Variants in DNAJC1 observed in about 807,000 individuals in gnomAD.
DNAJC1 encodes the protein dnaJ homolog subfamily C member 1.
A neutral mutation model predicts 76.6 loss-of-function variants in DNAJC1; 58 were observed. That is an observed-to-expected ratio of 0.76 (90% CI 0.61 to 0.94). The LOEUF (loss-of-function observed/expected upper bound fraction) is 0.94, where lower values mean the gene tolerates loss of function less well. Ranked by LOEUF, DNAJC1 falls within the 40% of genes least tolerant of loss-of-function variation. The probability of loss-of-function intolerance (pLI) is 0.00; values close to 1 mark genes in which losing one functional copy is unlikely to be tolerated. For missense variants in DNAJC1, 689 were observed against 677.3 expected (o/e 1.02, Z -0.19); for synonymous variants, 258 against 267.9 (o/e 0.96, Z 0.36).
chr10:21,956,615 A>T (rs993645511), intron 1 of DNAJC1, among the ~76,000 whole-genome samples: 30 of 149,936 alleles, frequency 2.0e-4, no homozygotes, highest in African/African-American at 7.3e-4. Flanking sequence ...TATAAATATA[A>T]TTTTTATTTA....
At chr10:21,869,489 C>A (rs1466425595) in intron 8 of DNAJC1, among the ~76,000 whole-genome samples, 1 of 152,064 alleles carries the variant, frequency 6.6e-6, no homozygotes, top group African/African-American at 2.4e-5. Flanking sequence ...TGATTTATAC[C>A]TTTGCCTGTA....
rs534443104 is a variant in DNAJC1, at chr10:21,835,340, G to C, written c.979-29241C>G. On this transcript the variant is annotated intron_variant, in intron 8 of 11. Coordinates refer to ENST00000376980, the MANE Select transcript of DNAJC1 (RefSeq NM_022365.4). ...AAACCCATCTGTACGTCACCATCATGAAAGACCAAAGGTAGATAAAACCAC... is the reference window on the plus strand; with the variant it reads ...AAACCCATCTGTACGTCACCATCATCAAAGACCAAAGGTAGATAAAACCAC... Among the ~76,000 whole-genome samples, 337 of 152,214 alleles carry C rather than the reference G, an allele frequency of 2.2e-3. 2 individuals carry two copies. The highest frequency in any genetic ancestry group is 7.7e-3 in the African/African-American group (320 of 41,520).
rs147294842 is a variant in DNAJC1 at position 21,980,421 on chromosome 10, T to C, written c.222+22792A>G. ...ACTTCCATAGTATTTATAACAAACA[T>C]GCATAGTTTGAATTTAATCATGAGG... On this transcript the variant is annotated intron_variant, in intron 1 of 11. Transcript: ENST00000376980. Among the ~76,000 whole-genome samples, 589 of 152,168 alleles carry C rather than the reference T, an allele frequency of 3.9e-3. 2 individuals are homozygous for C. Among genetic ancestry groups the C allele is most frequent in the African/African-American group, 0.014 (566 of 41,538 alleles).
At chr10:21,879,023 A>G (rs1836230375) in intron 8 of DNAJC1, among the ~76,000 whole-genome samples, 1 of 152,228 alleles carries the variant, frequency 6.6e-6, no homozygotes. Flanking sequence ...TACTCAAAGG[A>G]CTACATAGGA....
At chr10:21,886,725 C>T (rs1836370851) in intron 7 of DNAJC1, among the ~76,000 whole-genome samples, 1 of 152,036 alleles carries the variant, frequency 6.6e-6, no homozygotes, top group Admixed American at 6.6e-5. Flanking sequence ...ACAAAAACTG[C>T]ATGATTACCT....
chr10:21,780,329 T>C (rs886714828), intron 9 of DNAJC1, among the ~76,000 whole-genome samples: 2 of 152,140 alleles, frequency 1.3e-5, no homozygotes, highest in African/African-American at 4.8e-5. Flanking sequence ...GAAAAAATGT[T>C]AAGGGCAACC....
At chr10:21,910,357 C>T (rs1050084065) in intron 6 of DNAJC1, among the ~76,000 whole-genome samples, 4 of 152,078 alleles carry the variant, frequency 2.6e-5, no homozygotes, top group Non-Finnish European at 4.4e-5. Context: ...TCTGGTGATC[C>T]GCCCACCTTG....
At chr10:21,805,439 G>GAT (rs1554887334) in intron 9 of DNAJC1, among the ~76,000 whole-genome samples, 1 of 142,746 alleles carries the variant, frequency 7.0e-6, no homozygotes, top group Non-Finnish European at 1.5e-5. Flanking sequence ...GTTACGTATG[G>GAT]ACACACACAC....
At chr10:21,985,229 C>A (rs1284370337) in intron 1 of DNAJC1, among the ~76,000 whole-genome samples, 1 of 151,498 alleles carries the variant, frequency 6.6e-6, no homozygotes, top group Non-Finnish European at 1.5e-5. Flanking sequence ...TCCCCATCCC[C>A]AGACAAACCA....
At chr10:21,948,367 G>A (rs192812898) in intron 1 of DNAJC1, among the ~76,000 whole-genome samples, 1 of 152,116 alleles carries the variant, frequency 6.6e-6, no homozygotes, top group African/African-American at 2.4e-5. Flanking sequence ...AATTTTAGGA[G>A]CAAAGTAAAT....
chr10:21,837,564 C>T (rs1169046645), intron 8 of DNAJC1, among the ~76,000 whole-genome samples: 1 of 151,850 alleles, frequency 6.6e-6, no homozygotes, highest in Non-Finnish European at 1.5e-5. Flanking sequence ...CTGGCCGCGA[C>T]CCCATATGGG....
intron 8 of DNAJC1, among the ~76,000 whole-genome samples, chr10:21,870,383 C>T (rs1027687884): frequency 7.2e-5 from 11 of 151,958 alleles, no homozygotes; most frequent in Admixed American, 3.3e-4. Context: ...TCCATAAAAG[C>T]AACAACAACA....
At chr10:21,939,715 A>G (rs1837371970) in intron 1 of DNAJC1, among the ~76,000 whole-genome samples, 1 of 152,144 alleles carries the variant, frequency 6.6e-6, no homozygotes, top group Non-Finnish European at 1.5e-5. Flanking sequence ...GAACAACTAC[A>G]AAATTGCCTA....
At chr10:21,888,938 A>T (rs981916791) in intron 7 of DNAJC1, among the ~76,000 whole-genome samples, 1 of 152,216 alleles carries the variant, frequency 6.6e-6, no homozygotes, top group Non-Finnish European at 1.5e-5. Flanking sequence ...TTTTAGGTTC[A>T]CATGTTCCCC....
At chr10:21,793,188 C>A (rs973339003) in intron 9 of DNAJC1, among the ~76,000 whole-genome samples, 3 of 152,034 alleles carry the variant, frequency 2.0e-5, no homozygotes, top group Non-Finnish European at 4.4e-5. Context: ...TGCCTGTAAT[C>A]CCAGCTACTT....
intron 8 of DNAJC1, among the ~76,000 whole-genome samples, chr10:21,860,421 G>A (rs776246272): frequency 1.3e-5 from 2 of 152,004 alleles, no homozygotes; most frequent in Non-Finnish European, 2.9e-5. Context: ...GGATGGACGC[G>A]GTGGCTCATG....
chr10:21,808,712 C>T (rs1185937212), intron 8 of DNAJC1, among the ~76,000 whole-genome samples: 1 of 152,208 alleles, frequency 6.6e-6, no homozygotes, highest in African/African-American at 2.4e-5. Flanking sequence ...TACTCTCCCT[C>T]TTCTAATCTG....
chr10:21,984,783 G>A (rs546275042), intron 1 of DNAJC1, among the ~76,000 whole-genome samples: 1 of 152,104 alleles, frequency 6.6e-6, no homozygotes, highest in African/African-American at 2.4e-5. Flanking sequence ...GTACACTAAA[G>A]AAATTACATT....
intron 8 of DNAJC1, among the ~76,000 whole-genome samples, chr10:21,859,643 AC>A (rs1387579912): frequency 1.3e-5 from 2 of 152,192 alleles, no homozygotes; most frequent in Non-Finnish European, 2.9e-5. Context: ...GAGGGGTTAT[AC>A]ACAGACATAC....
Sources: allele counts gnomAD v4.1 joint callset (sites outside exome capture counted in the v4.1 genomes callset), GRCh38; gene constraint gnomAD v4.1.1; transcripts MANE v1.5; gene names NCBI Gene and HGNC (gene_info 2026-07-23, HGNC 2026-07-21).